Variants in ZC3H12B observed in about 807,000 individuals in gnomAD.
ZC3H12B encodes the protein probable ribonuclease ZC3H12B.
ZC3H12B carries 7 observed loss-of-function variants against 43.9 expected under a neutral mutation model. The observed-to-expected ratio is 0.16, with a 90% confidence interval of 0.09 to 0.30. The LOEUF is 0.30. Among genes scored for constraint, ZC3H12B ranks in the 10% least tolerant of loss-of-function variants. The probability of loss-of-function intolerance (pLI) is 1.00; values close to 1 mark genes in which losing one functional copy is unlikely to be tolerated. For missense variants in ZC3H12B, 475 were observed against 670.2 expected (o/e 0.71, Z 3.22); for synonymous variants, 222 against 241.7 (o/e 0.92, Z 0.76).
the ZC3H12B span, among the ~76,000 whole-genome samples, chrX:65,229,977 T>C: frequency 1.5e-3 from 165 of 111,801 alleles, no homozygotes; most frequent in African/African-American, 3.8e-3. Flanking sequence ...GTCAGTGTGG[T>C]GATTCCTCTG....
the ZC3H12B span, among the ~76,000 whole-genome samples, chrX:65,306,287 C>T: frequency 8.9e-6 from 1 of 112,066 alleles, no homozygotes; most frequent in African/African-American, 3.2e-5. Context: ...GTAAATTGTC[C>T]AACATTTTGA....
At chrX:65,254,737 T>A in the ZC3H12B span, among the ~76,000 whole-genome samples, 1 of 111,494 alleles carries the variant, frequency 9.0e-6, no homozygotes, top group Non-Finnish European at 1.9e-5. Flanking sequence ...AGAAATCGAA[T>A]TCAGAATATG....
At chrX:65,245,693 C>A in the ZC3H12B span, among the ~76,000 whole-genome samples, 3 of 111,296 alleles carry the variant, frequency 2.7e-5, no homozygotes, top group Non-Finnish European at 5.7e-5. Context: ...AGGACCATAC[C>A]TCAAAATAGT....
chrX:65,244,242 A>G, the ZC3H12B span, among the ~76,000 whole-genome samples: 1 of 111,332 alleles, frequency 9.0e-6, no homozygotes, highest in Admixed American at 9.6e-5. Flanking sequence ...CCCCCAAAAT[A>G]TTTATGGCTA....
At chrX:65,388,408 T>C (rs2066561437) in intron 2 of ZC3H12B, among the ~76,000 whole-genome samples, 1 of 112,277 alleles carries the variant, frequency 8.9e-6, no homozygotes, top group Admixed American at 9.5e-5. Flanking sequence ...CCATCACTGA[T>C]ACTTTTTCTT....
At chrX:65,199,467 G>T in the ZC3H12B span, among the ~76,000 whole-genome samples, 1 of 110,441 alleles carries the variant, frequency 9.1e-6, no homozygotes, top group Admixed American at 9.8e-5. Flanking sequence ...AAGTTCAGGG[G>T]TACATGAGCA....
At chrX:65,077,421 G>A in the ZC3H12B span, among the ~76,000 whole-genome samples, 1 of 112,362 alleles carries the variant, frequency 8.9e-6, no homozygotes, top group Non-Finnish European at 1.9e-5. Context: ...TGTTGAGCCA[G>A]GGTTGGGTTG....
the ZC3H12B span, among the ~76,000 whole-genome samples, chrX:65,334,106 G>T: frequency 1.8e-5 from 2 of 111,917 alleles, no homozygotes; most frequent in South Asian, 7.4e-4. Flanking sequence ...AAACCTTATA[G>T]ACAAATGTAT....
chrX:65,187,247 C>G, the ZC3H12B span: 3 of 111,799 alleles, frequency 2.7e-5, no homozygotes, highest in Non-Finnish European at 3.8e-5. Flanking sequence ...GTGAATTGCC[C>G]TTCACATTGG....
At chrX:65,093,123 G>A in the ZC3H12B span, among the ~76,000 whole-genome samples, 1 of 112,022 alleles carries the variant, frequency 8.9e-6, no homozygotes, top group African/African-American at 3.2e-5. Context: ...TAGCTTGTAA[G>A]CTGTAATTGT....
At position 65,451,226 on chromosome X, in the gene ZC3H12B, A is replaced by G. The variant is rs746380253; in HGVS notation, n.408-37420A>G. 7.2e-5 allele frequency among the ~76,000 whole-genome samples: 8 copies of G among 111,133 alleles called. No homozygotes were observed. The South Asian group carries it at 3.0e-3, about 42-fold the overall frequency. Reference sequence around the variant, plus strand: ...CGGTATCCCAAAGTCCTGGGATTACAGGTGTGAGCCACCAAGCCCAGCCTC... The same window carrying G: ...CGGTATCCCAAAGTCCTGGGATTACGGGTGTGAGCCACCAAGCCCAGCCTC... On this transcript the variant is annotated intron_variant and non_coding_transcript_variant, in intron 3 of 5. Coordinates refer to the ZC3H12B transcript ENST00000617377.
chrX:65,198,076 G>A, the ZC3H12B span, among the ~76,000 whole-genome samples: 1 of 111,717 alleles, frequency 9.0e-6, no homozygotes, highest in Admixed American at 9.6e-5. Context: ...CGACCTTCAG[G>A]TTATGACATC....
At chrX:65,392,597 TG>T (rs2066638563) in intron 2 of ZC3H12B, among the ~76,000 whole-genome samples, 1 of 107,558 alleles carries the variant, frequency 9.3e-6, no homozygotes, top group Non-Finnish European at 1.9e-5. Flanking sequence ...AGGTGGGTGG[TG>T]CCCCCGCCCA....
the ZC3H12B span, among the ~76,000 whole-genome samples, chrX:65,073,119 G>A: frequency 1.8e-5 from 2 of 112,381 alleles, no homozygotes; most frequent in East Asian, 5.6e-4. Flanking sequence ...TGACTGCAAT[G>A]GTATGGTTGG....
the ZC3H12B span, among the ~76,000 whole-genome samples, chrX:65,305,748 G>T: frequency 8.9e-6 from 1 of 111,980 alleles, no homozygotes; most frequent in African/African-American, 3.2e-5. Context: ...CACAATTGTA[G>T]CTCATGGTCA....
chrX:65,385,998 C>G (rs751093041), intron 2 of ZC3H12B, among the ~76,000 whole-genome samples: 1 of 112,258 alleles, frequency 8.9e-6, no homozygotes, highest in African/African-American at 3.2e-5. Flanking sequence ...ATGAAGCCCA[C>G]TTGATCATGG....
chrX:65,460,282 C>T (rs1376859770), intron 3 of ZC3H12B, among the ~76,000 whole-genome samples: 1 of 111,568 alleles, frequency 9.0e-6, no homozygotes, highest in Non-Finnish European at 1.9e-5. Context: ...GGCCATACTG[C>T]CCAAGGTAAT....
chrX:65,081,026 T>C, the ZC3H12B span, among the ~76,000 whole-genome samples: 2 of 109,062 alleles, frequency 1.8e-5, no homozygotes, highest in East Asian at 5.8e-4. Flanking sequence ...TTCTTTCTGC[T>C]TTTTTTTAAT....
chrX:65,468,822 T>C (rs1453374515), intron 3 of ZC3H12B, among the ~76,000 whole-genome samples: 1 of 110,034 alleles, frequency 9.1e-6, no homozygotes, highest in Non-Finnish European at 1.9e-5. Context: ...GCACTGAATC[T>C]GTAGATTGCT....
Sources: gnomAD v4.1 joint callset for allele counts (sites outside exome capture counted in the v4.1 genomes callset) on GRCh38, gnomAD v4.1.1 for gene constraint, MANE v1.5 for transcripts, NCBI Gene and HGNC (gene_info 2026-07-23, HGNC 2026-07-21) for gene names.